The following UGT2A1 variants were observed in gnomAD, a reference collection of about 807,000 sequenced individuals.
The protein encoded by UGT2A1 is UDP glucuronosyltransferase family 2 member A1 complex locus.
A neutral mutation model predicts 45.4 loss-of-function variants in UGT2A1; 61 were observed. The observed-to-expected ratio is 1.34, with a 90% CI of 1.09 to 1.66. The LOEUF (loss-of-function observed/expected upper bound fraction) is 1.66. UGT2A1 is among the 40% of genes most tolerant of loss of function. UGT2A1 has a pLI of 0.00. For synonymous variants in UGT2A1, 229 were observed against 196.2 expected (o/e 1.17, Z -1.40); for missense variants, 649 against 574.3 (o/e 1.13, Z -1.33).
intron 3 of UGT2A1, among the ~76,000 whole-genome samples, chr4:69,635,279 G>A (rs1721609451): frequency 1.3e-5 from 2 of 152,200 alleles, no homozygotes; most frequent in South Asian, 4.2e-4. Flanking sequence ...TACCAGCCAA[G>A]TGTCACATAG....
At chr4:69,646,460 T>C (rs1030895548) in intron 2 of UGT2A1, among the ~76,000 whole-genome samples, 1 of 151,854 alleles carries the variant, frequency 6.6e-6, no homozygotes, top group African/African-American at 2.4e-5. Context: ...AGCCTTAATG[T>C]ATTTTGTTTC....
At position 69,599,320 on chromosome 4, in the gene UGT2A1, A is replaced by G; in HGVS notation, c.922T>C (p.Phe308Leu). 1 of 1,613,930 alleles carries G rather than the reference A, an allele frequency of 6.2e-7. No individual in the cohort carries two copies. Among genetic ancestry groups the G allele is most frequent in the South Asian group, 1.1e-5 (1 of 91,060 alleles). ...WLIRTYWDFE[F>L]PRPYLPNFEF... is the part of the protein sequence containing the mutation. Reference sequence around the variant, plus strand: ...AAATTAGGTAAGTATGGACGAGGAAATTCAAAATCCCAATATGTTCGGATT... The same window carrying G: ...AAATTAGGTAAGTATGGACGAGGAAGTTCAAAATCCCAATATGTTCGGATT... The change falls in exon 4 of 7, where the codon TTT becomes CTT. Residue 308 changes from phenylalanine to leucine, a missense_variant. By Grantham distance (22) the Phe-to-Leu change is conservative (BLOSUM62 0). Transcript: ENST00000286604.
Position 69,594,567 on chromosome 4 carries a change from T to G in UGT2A1, c.1214A>C (p.Lys405Thr). 2 of 1,614,154 alleles carry G rather than the reference T, an allele frequency of 1.2e-6. No individual in the cohort carries two copies. Among genetic ancestry groups the G allele is most frequent in the Non-Finnish European group, 1.7e-6 (2 of 1,180,042 alleles). ...CACTTCCACAGCTGCTCCTTTGGCC[T>G]TCATGTGAGCAATGTTATCAGGCTG... ...ADQPDNIAHM[K>T]AKGAAVEVNL... The change falls in exon 6 of 7, where the codon AAG becomes ACG. Residue 405 changes from lysine (K) to threonine (T), a missense_variant. Transcript: ENST00000286604.
intron 6 of UGT2A1, 59 bp from the exon 7 acceptor site, chr4:69,589,710 A>C (rs1162928437): frequency 1.3e-6 from 2 of 1,556,844 alleles, no homozygotes; most frequent in African/African-American, 1.4e-5. Context: ...TTCATTGAAG[A>C]TAAATATGTG....
intron 3 of UGT2A1, among the ~76,000 whole-genome samples, chr4:69,620,969 AC>A (rs1404423170): frequency 2.6e-5 from 4 of 152,108 alleles, no homozygotes; most frequent in African/African-American, 7.2e-5. Context: ...CCAAAACTGG[AC>A]CCCTTTCTTA....
chr4:69,606,415 A>T (rs1719618691), intron 3 of UGT2A1, among the ~76,000 whole-genome samples: 1 of 136,610 alleles, frequency 7.3e-6, no homozygotes, highest in Admixed American at 7.2e-5. Context: ...TATTGATGGG[A>T]TGTATCTCAA....
chr4:69,626,103 A>G (rs1560485981), intron 3 of UGT2A1, among the ~76,000 whole-genome samples: 1 of 151,380 alleles, frequency 6.6e-6, no homozygotes, highest in Non-Finnish European at 1.5e-5. Context: ...TGCTTTGTTA[A>G]CTACTTCATA....
chr4:69,649,448 T>A (rs538696907), intron 1 of UGT2A1, among the ~76,000 whole-genome samples: 303 of 152,252 alleles, frequency 2.0e-3, no homozygotes, highest in African/African-American at 7.0e-3. Flanking sequence ...TATTTTCTTC[T>A]ATTTATTTAT....
chr4:69,606,383 T>A (rs553124708), intron 3 of UGT2A1, among the ~76,000 whole-genome samples: 1 of 136,742 alleles, frequency 7.3e-6, no homozygotes, highest in East Asian at 2.1e-4. Flanking sequence ...CGCTTCATGC[T>A]AAAAACTCTC....
At chr4:69,645,112 T>A (rs977444405) in intron 2 of UGT2A1, among the ~76,000 whole-genome samples, 1 of 151,700 alleles carries the variant, frequency 6.6e-6, no homozygotes, top group Non-Finnish European at 1.5e-5. Context: ...AAGCTCTGCT[T>A]AGCAAACATT....
chr4:69,626,267 T>G (rs190211860), intron 3 of UGT2A1, among the ~76,000 whole-genome samples: 52 of 151,652 alleles, frequency 3.4e-4, no homozygotes, highest in African/African-American at 1.3e-3. Flanking sequence ...TAACATTTTA[T>G]TTCGGAGTAA....
Position 69,595,215 on chromosome 4 carries a change from G to A in UGT2A1, c.1031C>T (p.Thr344Ile). ...AAAGAGCTGAGTATTGTTTCCTAAT[G>A]TGGCTGGTTTCTTTCCTTTGTATCT... ...LWRYKGKKPA[T>I]LGNNTQLFDW... is the part of the protein sequence containing the mutation. Residue 344 changes from threonine (T) to isoleucine (I), a missense_variant, in exon 5 of 7, where the codon ACA becomes ATA. Thr to Ile is a moderately conservative substitution (Grantham distance 89). Coordinates refer to ENST00000286604, the MANE Select transcript of UGT2A1 (RefSeq NM_001252275.3). 2 of 1,613,770 alleles carry A rather than the reference G, an allele frequency of 1.2e-6. No homozygotes were observed. Among genetic ancestry groups the A allele is most frequent in the Non-Finnish European group, 1.7e-6 (2 of 1,179,848 alleles).
At chr4:69,595,333 G>A (rs2109881857) in intron 4 of UGT2A1, 84 bp from the exon 5 acceptor site, 1 of 1,503,674 alleles carries the variant, frequency 6.7e-7, no homozygotes, top group Non-Finnish European at 9.1e-7. Flanking sequence ...AAATCATTTA[G>A]CCAGCTACTT....
intron 3 of UGT2A1, among the ~76,000 whole-genome samples, chr4:69,627,562 GAGAGAA>G (rs1721151380): frequency 2.0e-5 from 3 of 147,262 alleles, no homozygotes; most frequent in Non-Finnish European, 4.5e-5. Context: ...GAGAGAGAGA[GAGAGAA>G]AGAAAGAGAG....
At position 69,610,675 on chromosome 4, in the gene UGT2A1, T is replaced by C. The variant is rs143320992; in HGVS notation, c.848-11281A>G. On this transcript the variant is annotated intron_variant, in intron 3 of 6. Coordinates refer to ENST00000286604, the MANE Select transcript of UGT2A1 (RefSeq NM_001252275.3). ...GGTCTCTAATCCATTATGACTAGTG[T>C]CCTTCCAAGAAGAGGAAGTGACACC... Among the ~76,000 whole-genome samples, 75 of 152,278 alleles carry C rather than the reference T, an allele frequency of 4.9e-4. 1 individual carries two copies. The East Asian group carries it at 0.012, about 25-fold the overall frequency.
At chr4:69,597,798 G>A (rs1028190586) in intron 4 of UGT2A1, among the ~76,000 whole-genome samples, 9 of 151,854 alleles carry the variant, frequency 5.9e-5, no homozygotes, top group African/African-American at 1.9e-4. Context: ...TCATTTGACA[G>A]TCTCTTGTTG....
intron 3 of UGT2A1, among the ~76,000 whole-genome samples, chr4:69,622,966 T>A (rs900806040): frequency 6.6e-6 from 1 of 151,826 alleles, no homozygotes; most frequent in Non-Finnish European, 1.5e-5. Context: ...TTGCTATGGG[T>A]CATAAAGGTC....
chr4:69,644,286 A>C (rs1414414420), intron 2 of UGT2A1, among the ~76,000 whole-genome samples: 1 of 151,722 alleles, frequency 6.6e-6, no homozygotes, highest in Non-Finnish European at 1.5e-5. Flanking sequence ...AGGTAAAGTA[A>C]ACTAGTGGAT....
chr4:69,591,318 T>C (rs1383261271), intron 6 of UGT2A1, among the ~76,000 whole-genome samples: 2 of 152,084 alleles, frequency 1.3e-5, no homozygotes, highest in East Asian at 3.8e-4. Flanking sequence ...AAGAAATACA[T>C]TGGTTTGGTT....
Sources: gnomAD v4.1 joint callset for allele counts (sites outside exome capture counted in the v4.1 genomes callset) on GRCh38, gnomAD v4.1.1 for gene constraint, MANE v1.5 for transcripts, NCBI Gene and HGNC (gene_info 2026-07-23, HGNC 2026-07-21) for gene names.